Variants in CSRP1 observed in about 807,000 individuals in gnomAD.
CSRP1 encodes the protein cysteine and glycine-rich protein 1.
A neutral mutation model predicts 25.4 loss-of-function variants in CSRP1; 16 were observed. The ratio of observed to expected loss-of-function variants is 0.63; its 90% confidence interval spans 0.43 to 0.96. CSRP1 has a LOEUF of 0.96. CSRP1 is among the 40% of genes least tolerant of loss of function. The pLI, the probability that CSRP1 is intolerant of heterozygous loss-of-function variation, is 0.00. For synonymous variants in CSRP1, 97 were observed against 95.3 expected, an observed-to-expected ratio of 1.02 and a Z score of -0.10; for missense variants, 212 against 243.6, an observed-to-expected ratio of 0.87 and a Z score of 0.86.
chr1:201,502,956 G>A (rs1001635076), intron 1 of CSRP1, among the ~76,000 whole-genome samples: 2 of 145,590 alleles, frequency 1.4e-5, no homozygotes, highest in Non-Finnish European at 3.0e-5. Context: ...CCAACAGCGT[G>A]AAACCCCATC....
chr1:201,502,914 C>G (rs1250644141), intron 1 of CSRP1, among the ~76,000 whole-genome samples: 1 of 150,978 alleles, frequency 6.6e-6, no homozygotes, highest in Non-Finnish European at 1.5e-5. Context: ...GTGGGTGGAT[C>G]ATTTAAGGTC....
At chr1:201,500,133 G>A (rs1664621765) in intron 1 of CSRP1, among the ~76,000 whole-genome samples, 3 of 152,318 alleles carry the variant, frequency 2.0e-5, no homozygotes, top group Middle Eastern at 6.8e-3. Flanking sequence ...AAGAGGGGCT[G>A]CTCATGATAG....
intron 2 of CSRP1, 159 bp downstream of exon 2, chr1:201,496,033 G>C: frequency 1.6e-6 from 1 of 621,468 alleles, no homozygotes; most frequent in East Asian, 2.7e-5. Context: ...GAACAAAGAG[G>C]CCCTGAAGTG....
In CSRP1 at chr1:201,488,900, G is replaced by A; in HGVS notation, c.366C>T (p.Cys122=). ...KIGGSERCPR[C]SQAVYAAEKV... ...TCTCCGCAGCATAGACTGCCTGGCT[G>A]CATCGGGGGCAGCGCTCGGAGCCAC... The change falls in exon 4 of 6, where the codon TGC becomes TGT. Residue 122 remains cysteine, a synonymous_variant. Transcript: ENST00000340006. 6.2e-7 allele frequency: 1 copy of A among 1,614,128 alleles called. No individual in the cohort carries two copies. Among genetic ancestry groups the A allele is most frequent in the Non-Finnish European group, 8.5e-7 (1 of 1,180,016 alleles).
chr1:201,489,917 C>T (rs985393173), intron 3 of CSRP1: 39 of 383,236 alleles, frequency 1.0e-4, no homozygotes, highest in Non-Finnish European at 1.7e-4. Context: ...TTCTTGGGGC[C>T]CCTCCCAGCT....
At chr1:201,490,489 C>T (rs1451069177) in intron 2 of CSRP1, 145 bp from the exon 3 acceptor site, 3 of 815,170 alleles carry the variant, frequency 3.7e-6, no homozygotes, top group African/African-American at 1.7e-5. Flanking sequence ...CAAATGGAGG[C>T]AGGCGGGATG....
intron 2 of CSRP1, among the ~76,000 whole-genome samples, chr1:201,494,710 G>A (rs7538112): frequency 0.45 from 68,408 of 151,956 alleles, 16,576 homozygotes; most frequent in East Asian, 0.91. Flanking sequence ...ACTTTGCTTC[G>A]TGTAATGCAG....
chr1:201,486,852 C>G (rs921903296), intron 4 of CSRP1: 1 of 1,203,022 alleles, frequency 8.3e-7, no homozygotes, highest in East Asian at 6.1e-5. Context: ...TACCTTATAG[C>G]CTGCCTAAGT....
At chr1:201,485,397 T>C in intron 4 of CSRP1, 21 bp from the exon 5 acceptor site, 1 of 1,610,024 alleles carries the variant, frequency 6.2e-7, no homozygotes, top group South Asian at 1.1e-5. Context: ...AAGGAAATAG[T>C]TAATGGCTGC....
At chr1:201,494,621 G>A (rs912047392) in intron 2 of CSRP1, among the ~76,000 whole-genome samples, 3 of 152,216 alleles carry the variant, frequency 2.0e-5, no homozygotes, top group Admixed American at 2.0e-4. Flanking sequence ...TCTACCTAGC[G>A]ACAGGCAGAG....
At chr1:201,504,026 A>G (rs921551346) in intron 1 of CSRP1, among the ~76,000 whole-genome samples, 1 of 152,210 alleles carries the variant, frequency 6.6e-6, no homozygotes, top group African/African-American at 2.4e-5. Context: ...TATCTTCCTT[A>G]AATAGTTTAT....
At chr1:201,502,114 C>T (rs775513910) in intron 1 of CSRP1, among the ~76,000 whole-genome samples, 1 of 152,142 alleles carries the variant, frequency 6.6e-6, no homozygotes, top group Non-Finnish European at 1.5e-5. Context: ...TGAAGGCAAG[C>T]CCCTTCTTAT....
At chr1:201,497,358 C>CAA (rs71564149) in intron 1 of CSRP1, among the ~76,000 whole-genome samples, 8,636 of 44,470 alleles carry the variant, frequency 0.19, 1,635 homozygotes, top group East Asian at 0.33. Context: ...GACTCTGTCT[C>CAA]AAAAAAAAAA....
chr1:201,484,521 G>C lies in CSRP1; in HGVS notation c.*192C>G. Reference sequence around the variant, plus strand: ...GGTGATGGTGTCAGATCCCAGGCCTGGGGAGCCCTTTAGTGGGGTGGGACC... The same window carrying C: ...GGTGATGGTGTCAGATCCCAGGCCTCGGGAGCCCTTTAGTGGGGTGGGACC... On this transcript the variant is annotated 3_prime_UTR_variant, in exon 6 of 6. Transcript: ENST00000340006. The C allele has an allele frequency of 1.6e-6, 1 of 607,846 alleles. No homozygotes were observed. Among genetic ancestry groups the C allele is most frequent in the East Asian group, 2.8e-5 (1 of 35,832 alleles). 37.7% of individuals were successfully genotyped at this position (607,846 alleles called of 1,614,324 possible).
chr1:201,485,205 A>G (rs1664094147), intron 5 of CSRP1, 78 bp downstream of exon 5: 7 of 1,236,286 alleles, frequency 5.7e-6, no homozygotes. Flanking sequence ...ATTAGTTTAC[A>G]TTCAGCAAAG....
intron 4 of CSRP1, chr1:201,487,834 G>T: frequency 6.6e-6 from 1 of 152,314 alleles, no homozygotes. Context: ...CTGTACAACA[G>T]GGATACTAAT....
At chr1:201,485,895 T>A (rs1664118370) in intron 4 of CSRP1, 1 of 153,530 alleles carries the variant, frequency 6.5e-6, no homozygotes, top group East Asian at 1.9e-4. Flanking sequence ...CTTTCCCTGC[T>A]GAGTTTAATG....
In CSRP1 at chr1:201,483,871, C is replaced by A; in HGVS notation, c.*842G>T. 1.7e-6 allele frequency: 1 copy of A among 600,058 alleles called. No homozygotes were observed. Among genetic ancestry groups the A allele is most frequent in the Non-Finnish European group, 3.1e-6 (1 of 322,546 alleles). 37.2% of individuals were successfully genotyped at this position (600,058 alleles called of 1,614,324 possible). A position where few individuals can be genotyped will look rare whatever the true frequency, so the allele number is the denominator to read the frequency against. On this transcript the variant is annotated 3_prime_UTR_variant, in exon 6 of 6. Transcript: ENST00000340006. ...ACATCTGAGGATCAAGCAGGTGTGG[C>A]AAGAACAGAGCCCTGGCCTGGGCTC...
chr1:201,489,141 AT>A, intron 3 of CSRP1, 157 bp from the exon 4 acceptor site: 1 of 815,176 alleles, frequency 1.2e-6, no homozygotes, highest in Non-Finnish European at 1.9e-6. Context: ...GTCATCTCCC[AT>A]TTTACAGATG....
Sources: gnomAD v4.1 joint callset for allele counts (sites outside exome capture counted in the v4.1 genomes callset) on GRCh38, gnomAD v4.1.1 for gene constraint, MANE v1.5 for transcripts, NCBI Gene and HGNC (gene_info 2026-07-23, HGNC 2026-07-21) for gene names.